PCDH15: variants seen among roughly 807,000 people sequenced by gnomAD.
PCDH15 encodes the protein protocadherin-15.
A neutral mutation model predicts 178.5 loss-of-function variants in PCDH15; 129 were observed. The ratio of observed to expected loss-of-function variants is 0.72; its 90% CI spans 0.63 to 0.84. The LOEUF is 0.84. Ranked by LOEUF, PCDH15 falls within the 40% of genes least tolerant of loss-of-function variation. The pLI is 0.00. For missense variants in PCDH15, 2,230 were observed against 2,099.9 expected, an observed-to-expected ratio of 1.06 and a Z score of -1.21; for synonymous variants, 800 against 732.0, an observed-to-expected ratio of 1.09 and a Z score of -1.50.
intron 2 of PCDH15, among the ~76,000 whole-genome samples, chr10:54,602,717 A>G (rs887626617): frequency 1.3e-5 from 2 of 152,014 alleles, no homozygotes; most frequent in Non-Finnish European, 1.5e-5. Context: ...GAACTTATTG[A>G]GATGATCATA....
intron 27 of PCDH15, among the ~76,000 whole-genome samples, chr10:53,865,769 T>C (rs2079407357): frequency 1.3e-5 from 2 of 151,868 alleles, no homozygotes; most frequent in Non-Finnish European, 2.9e-5. Context: ...TGTCTGCATG[T>C]ATATGAAGGT....
chr10:54,534,456 T>C (rs1030134491), intron 2 of PCDH15, among the ~76,000 whole-genome samples: 1 of 152,128 alleles, frequency 6.6e-6, no homozygotes, highest in African/African-American at 2.4e-5. Flanking sequence ...AAAAAAGTAA[T>C]GGGGTTCTCA....
chr10:54,786,392 T>C (rs901302228), intron 1 of PCDH15, among the ~76,000 whole-genome samples: 23 of 152,102 alleles, frequency 1.5e-4, no homozygotes, highest in African/African-American at 5.3e-4. Flanking sequence ...ATACAAGACT[T>C]TTCCAAAATA....
intron 26 of PCDH15, among the ~76,000 whole-genome samples, chr10:53,876,348 C>T (rs1444122220): frequency 3.3e-5 from 5 of 151,970 alleles, no homozygotes; most frequent in African/African-American, 2.4e-5. Context: ...CCACCAGATC[C>T]GGCTAATTTT....
chr10:54,729,899 A>G (rs1042173209), intron 1 of PCDH15, among the ~76,000 whole-genome samples: 2 of 151,472 alleles, frequency 1.3e-5, no homozygotes, highest in Non-Finnish European at 3.0e-5. Flanking sequence ...GTCAAAAACA[A>G]AGATCCTGGC....
intron 23 of PCDH15, among the ~76,000 whole-genome samples, chr10:53,955,708 C>T (rs1434875094): frequency 6.6e-6 from 1 of 152,106 alleles, no homozygotes; most frequent in Non-Finnish European, 1.5e-5. Context: ...CAAATTTGAT[C>T]ACAAGAAGTA....
chr10:54,808,203 T>C (rs1192526520), intron 3 of PCDH15, among the ~76,000 whole-genome samples: 5 of 152,214 alleles, frequency 3.3e-5, no homozygotes, highest in African/African-American at 1.2e-4. Context: ...TTTTAGGCCA[T>C]TCAAGGAACA....
At chr10:55,385,521 A>G in intron 2 of PCDH15, among the ~76,000 whole-genome samples, 1 of 151,884 alleles carries the variant, frequency 6.6e-6, no homozygotes, top group South Asian at 2.1e-4. Context: ...ATTTTAAGCC[A>G]TTAAGTTTTA....
chr10:54,146,539 T>C (rs947695945), intron 14 of PCDH15, among the ~76,000 whole-genome samples: 1 of 151,846 alleles, frequency 6.6e-6, no homozygotes, highest in Non-Finnish European at 1.5e-5. Context: ...AACTTAAGTG[T>C]TTTTTAAAAG....
At position 54,062,248 on chromosome 10, in the gene PCDH15, A is replaced by AAAAAAAAAAAAAAAAAAAAAAAT. The variant is rs2094039380; in HGVS notation, c.2220+4508_2220+4509insATTTTTTTTTTTTTTTTTTTTTT. Among the ~76,000 whole-genome samples, 2 of 119,928 alleles carry AAAAAAAAAAAAAAAAAAAAAAAT rather than the reference A, an allele frequency of 1.7e-5. 1 individual carries two copies. Among genetic ancestry groups the AAAAAAAAAAAAAAAAAAAAAAAT allele is most frequent in the Non-Finnish European group, 3.3e-5 (2 of 60,718 alleles). The allele number at this position is 119,928 out of a possible 152,430, so 78.7% of individuals were successfully genotyped here. ...GTCTCAAAAAAAAAAAAAAAAAAAA[A>AAAAAAAAAAAAAAAAAAAAAAAT]AAAACAAAAAACAACTAAATGAAAA... On this transcript the variant is annotated intron_variant, in intron 18 of 37. Transcript: ENST00000644397.
At chr10:54,417,754 A>C (rs1954651742) in intron 3 of PCDH15, among the ~76,000 whole-genome samples, 1 of 152,212 alleles carries the variant, frequency 6.6e-6, no homozygotes, top group Non-Finnish European at 1.5e-5. Context: ...ATTCATTTCT[A>C]AGTAACAAGT....
intron 28 of PCDH15, among the ~76,000 whole-genome samples, chr10:53,848,929 CACAT>C (rs1358913457): frequency 6.6e-6 from 1 of 152,014 alleles, no homozygotes; most frequent in Admixed American, 6.6e-5. Context: ...TAAAACTAAA[CACAT>C]AGTGTTTTTA....
intron 18 of PCDH15, among the ~76,000 whole-genome samples, chr10:54,030,769 T>A (rs1192545819): frequency 1.3e-5 from 2 of 152,060 alleles, no homozygotes; most frequent in Non-Finnish European, 2.9e-5. Flanking sequence ...TCCCTCAGAC[T>A]AACTCTCTGA....
intron 2 of PCDH15, among the ~76,000 whole-genome samples, chr10:54,631,707 G>A (rs1308792014): frequency 1.3e-5 from 2 of 152,110 alleles, no homozygotes; most frequent in Non-Finnish European, 2.9e-5. Flanking sequence ...AATGAAAAAG[G>A]TTTAATTAAC....
intron 3 of PCDH15, among the ~76,000 whole-genome samples, chr10:54,405,538 T>G (rs1363303313): frequency 6.6e-6 from 1 of 151,238 alleles, no homozygotes; most frequent in African/African-American, 2.4e-5. Context: ...TATTGAAGGG[T>G]GGAGGGTGGG....
At chr10:55,066,990 A>T (rs1040399853) in intron 2 of PCDH15, among the ~76,000 whole-genome samples, 2 of 151,986 alleles carry the variant, frequency 1.3e-5, no homozygotes, top group Non-Finnish European at 2.9e-5. Flanking sequence ...ATCATTACAC[A>T]TTCTATGCAT....
intron 1 of PCDH15, among the ~76,000 whole-genome samples, chr10:54,730,145 A>G (rs1943138196): frequency 6.6e-6 from 1 of 151,684 alleles, no homozygotes; most frequent in Admixed American, 6.6e-5. Flanking sequence ...CATGGAATCA[A>G]CCTAAATGAT....
At chr10:54,892,831 A>C (rs1256442751) in intron 3 of PCDH15, among the ~76,000 whole-genome samples, 1 of 151,656 alleles carries the variant, frequency 6.6e-6, no homozygotes, top group Non-Finnish European at 1.5e-5. Context: ...GGTTCAAGCA[A>C]TTCTCTTGCC....
intron 1 of PCDH15, among the ~76,000 whole-genome samples, chr10:54,749,312 A>T (rs997958913): frequency 6.6e-6 from 1 of 152,336 alleles, no homozygotes; most frequent in African/African-American, 2.4e-5. Flanking sequence ...CTAAGAAGAA[A>T]TATATATTAC....
Sources: gnomAD v4.1 joint callset for allele counts (sites outside exome capture counted in the v4.1 genomes callset) on GRCh38, gnomAD v4.1.1 for gene constraint, MANE v1.5 for transcripts, NCBI Gene and HGNC (gene_info 2026-07-23, HGNC 2026-07-21) for gene names.